CHCHD3: variants seen among roughly 807,000 people sequenced by gnomAD.
CHCHD3 encodes coiled-coil-helix-coiled-coil-helix domain containing 3, also known as MICOS complex subunit MIC19.
In CHCHD3, 20 loss-of-function variants were observed where a neutral mutation model predicts 38.2. The ratio of observed to expected loss-of-function variants is 0.52; its 90% CI spans 0.37 to 0.76. The LOEUF is 0.76. CHCHD3 is among the 30% of genes least tolerant of loss of function. The probability of loss-of-function intolerance (pLI) is 0.00; values close to 1 mark genes in which losing one functional copy is unlikely to be tolerated. For synonymous variants in CHCHD3, 82 were observed against 100.0 expected (o/e 0.82, Z 1.07); for missense variants, 245 against 279.2 (o/e 0.88, Z 0.87).
chr7:133,022,617 A>T (rs1234607020), intron 3 of CHCHD3: 1 of 309,954 alleles, frequency 3.2e-6, no homozygotes, highest in Non-Finnish European at 6.0e-6. Flanking sequence ...GCTTCAAACA[A>T]AACTTTTTTT....
chr7:132,857,530 T>C (rs1808370096), intron 5 of CHCHD3, among the ~76,000 whole-genome samples: 5 of 151,884 alleles, frequency 3.3e-5, no homozygotes, highest in Admixed American at 2.6e-4. Context: ...GCCTCAGCCT[T>C]CTGAATAGTT....
At chr7:132,898,234 G>A (rs920465506) in intron 4 of CHCHD3, among the ~76,000 whole-genome samples, 4 of 152,178 alleles carry the variant, frequency 2.6e-5, no homozygotes, top group Admixed American at 1.3e-4. Flanking sequence ...CGAGCGGGTT[G>A]CCACTGCTGG....
chr7:132,944,291 T>C (rs1363944546), intron 4 of CHCHD3, among the ~76,000 whole-genome samples: 1 of 151,888 alleles, frequency 6.6e-6, no homozygotes, highest in Non-Finnish European at 1.5e-5. Context: ...TCATCTCCCT[T>C]GATTCTCCAA....
intron 5 of CHCHD3, among the ~76,000 whole-genome samples, chr7:132,871,408 T>C (rs1489771356): frequency 6.6e-6 from 1 of 152,226 alleles, no homozygotes; most frequent in Non-Finnish European, 1.5e-5. Context: ...TTAGAGTAAC[T>C]ACACCATGAG....
chr7:132,800,359 C>T (rs887039668), intron 6 of CHCHD3, among the ~76,000 whole-genome samples: 8 of 152,130 alleles, frequency 5.3e-5, no homozygotes, highest in African/African-American at 1.9e-4. Context: ...TCAGAAGTCC[C>T]CTCTTAAGAC....
chr7:132,891,539 G>A (rs1562898285), intron 4 of CHCHD3, among the ~76,000 whole-genome samples: 1 of 152,162 alleles, frequency 6.6e-6, no homozygotes, highest in South Asian at 2.1e-4. Flanking sequence ...TTAGATCAAG[G>A]CAGCTGGTTT....
intron 4 of CHCHD3, among the ~76,000 whole-genome samples, chr7:132,971,464 G>T (rs913302454): frequency 1.3e-5 from 2 of 152,152 alleles, no homozygotes; most frequent in Non-Finnish European, 2.9e-5. Flanking sequence ...GTTTTGATCT[G>T]ATCCTATTTT....
intron 2 of CHCHD3, among the ~76,000 whole-genome samples, chr7:133,046,484 A>G (rs1451843911): frequency 6.6e-6 from 1 of 152,216 alleles, no homozygotes; most frequent in Non-Finnish European, 1.5e-5. Flanking sequence ...ATTTTATTTA[A>G]TGTGCTAGTA....
intron 4 of CHCHD3, among the ~76,000 whole-genome samples, chr7:132,925,896 A>C (rs1234064959): frequency 6.6e-6 from 1 of 152,238 alleles, no homozygotes; most frequent in East Asian, 1.9e-4. Flanking sequence ...AAGGTATTAA[A>C]GCATGGAGGG....
intron 3 of CHCHD3, among the ~76,000 whole-genome samples, chr7:132,996,182 T>C (rs894200279): frequency 6.6e-6 from 1 of 152,234 alleles, no homozygotes; most frequent in African/African-American, 2.4e-5. Context: ...GATTCAAACA[T>C]TGATGTACAT....
intron 4 of CHCHD3, among the ~76,000 whole-genome samples, chr7:132,971,884 G>A (rs1339623966): frequency 1.3e-5 from 2 of 152,136 alleles, no homozygotes; most frequent in Non-Finnish European, 2.9e-5. Context: ...AAAATAGCAG[G>A]AGCAATGCTA....
At chr7:132,999,611 A>G (rs905339734) in intron 3 of CHCHD3, among the ~76,000 whole-genome samples, 1 of 152,202 alleles carries the variant, frequency 6.6e-6, no homozygotes, top group African/African-American at 2.4e-5. Context: ...CATTAATGTC[A>G]TATTTTGATA....
rs1021950637 is a variant in CHCHD3 at position 132,838,530 on chromosome 7, T to C, written c.454-61A>G. On this transcript the variant is annotated intron_variant, in intron 5 of 7. Coordinates refer to ENST00000262570, the MANE Select transcript of CHCHD3 (RefSeq NM_017812.4). ...CCAAGATGACAAAATGTGTGGAAGA[T>C]TTACAACTTCAAAAAACACATAAAA... is the stretch of plus-strand genomic sequence containing the variant. 1.1e-5 allele frequency: 14 copies of C among 1,268,468 alleles called. No homozygotes were observed. The South Asian group carries it at 1.1e-4, about 10-fold the overall frequency. The allele number at this position is 1,268,468 out of a possible 1,614,324, so 78.6% of individuals were successfully genotyped here.
chr7:132,797,610 T>C (rs1253210724), intron 6 of CHCHD3, among the ~76,000 whole-genome samples: 2 of 152,224 alleles, frequency 1.3e-5, no homozygotes, highest in Non-Finnish European at 2.9e-5. Context: ...ATACATTTAC[T>C]GAATGAATAC....
In CHCHD3 at chr7:132,957,545, C is replaced by T. The variant is rs192018310; in HGVS notation, c.369+17624G>A. Among the ~76,000 whole-genome samples, 593 of 152,224 alleles carry T rather than the reference C, an allele frequency of 3.9e-3. 3 individuals are homozygous for T. The highest frequency in any genetic ancestry group is 0.014 in the African/African-American group (569 of 41,546). On this transcript the variant is annotated intron_variant, in intron 4 of 7. Coordinates refer to ENST00000262570, the MANE Select transcript of CHCHD3 (RefSeq NM_017812.4). ...TCACCCAGGCTGCAGTGCAGTGCCA[C>T]GATCTCAGCTCACTGCAACCTCTGC...
intron 5 of CHCHD3, among the ~76,000 whole-genome samples, chr7:132,860,761 C>T (rs1369533615): frequency 3.9e-5 from 6 of 151,936 alleles, no homozygotes; most frequent in Non-Finnish European, 7.4e-5. Context: ...CAAATAGATG[C>T]GATTACAGGT....
intron 5 of CHCHD3, among the ~76,000 whole-genome samples, chr7:132,862,136 GA>G (rs1204075312): frequency 4.0e-5 from 6 of 151,796 alleles, no homozygotes; most frequent in Non-Finnish European, 7.4e-5. Flanking sequence ...AGGGAAGAAA[GA>G]AAGGAGGGAA....
intron 4 of CHCHD3, among the ~76,000 whole-genome samples, chr7:132,948,350 T>C (rs1810948881): frequency 6.6e-6 from 1 of 151,842 alleles, no homozygotes; most frequent in Non-Finnish European, 1.5e-5. Context: ...CAACTCTTGA[T>C]AGACAGAAAG....
At chr7:132,837,906 T>C (rs1306074273) in intron 6 of CHCHD3, among the ~76,000 whole-genome samples, 1 of 152,202 alleles carries the variant, frequency 6.6e-6, no homozygotes, top group Non-Finnish European at 1.5e-5. Context: ...GGTAGCAATT[T>C]AACATCACCT....
Sources: allele counts gnomAD v4.1 joint callset (sites outside exome capture counted in the v4.1 genomes callset), GRCh38; gene constraint gnomAD v4.1.1; transcripts MANE v1.5; gene names NCBI Gene and HGNC (gene_info 2026-07-23, HGNC 2026-07-21).